SCHIP1: variants seen among roughly 807,000 people sequenced by gnomAD.
The protein encoded by SCHIP1 is schwannomin-interacting protein 1.
SCHIP1 carries 8 observed loss-of-function variants against 29.7 expected under a neutral mutation model. That is an observed-to-expected ratio of 0.27 (90% CI 0.16 to 0.49). The LOEUF (loss-of-function observed/expected upper bound fraction) is 0.49, where lower values mean the gene tolerates loss of function less well. Among genes scored for constraint, SCHIP1 ranks in the 20% least tolerant of loss-of-function variants. The probability of loss-of-function intolerance (pLI) is 0.99; values close to 1 mark genes in which losing one functional copy is unlikely to be tolerated. For missense variants in SCHIP1, 193 were observed against 294.6 expected (o/e 0.66, Z 2.52); for synonymous variants, 76 against 94.9 (o/e 0.80, Z 1.16).
chr3:159,337,755 T>TACGCATG, the SCHIP1 span, among the ~76,000 whole-genome samples: 3 of 152,162 alleles, frequency 2.0e-5, no homozygotes, highest in African/African-American at 7.2e-5. Context: ...TGTTCTCCAA[T>TACGCATG]TTATAATATT....
At chr3:159,292,401 G>T in the SCHIP1 span, among the ~76,000 whole-genome samples, 1,072 of 152,236 alleles carry the variant, frequency 7.0e-3, 12 homozygotes, top group African/African-American at 0.025. Flanking sequence ...CAGAGTCTTG[G>T]TTAGTTGGCT....
chr3:159,333,524 C>T, the SCHIP1 span, among the ~76,000 whole-genome samples: 1 of 152,092 alleles, frequency 6.6e-6, no homozygotes, highest in Non-Finnish European at 1.5e-5. Flanking sequence ...TACACACACA[C>T]ACACACTCCA....
At chr3:159,340,872 T>C in the SCHIP1 span, among the ~76,000 whole-genome samples, 1 of 152,182 alleles carries the variant, frequency 6.6e-6, no homozygotes, top group Non-Finnish European at 1.5e-5. Context: ...CATTCCTTTT[T>C]CTAGAGTAGG....
the SCHIP1 span, among the ~76,000 whole-genome samples, chr3:159,576,643 C>T: frequency 6.6e-6 from 1 of 152,152 alleles, no homozygotes; most frequent in Non-Finnish European, 1.5e-5. Flanking sequence ...TGATTGTAGA[C>T]AAAAGTTTTA....
chr3:159,312,048 A>G, the SCHIP1 span, among the ~76,000 whole-genome samples: 1 of 152,212 alleles, frequency 6.6e-6, no homozygotes, highest in East Asian at 1.9e-4. Flanking sequence ...AGGAAGTTAT[A>G]AGACAGAGTA....
At chr3:159,720,113 C>A in the SCHIP1 span, among the ~76,000 whole-genome samples, 3 of 151,958 alleles carry the variant, frequency 2.0e-5, no homozygotes, top group Non-Finnish European at 2.9e-5. Flanking sequence ...TCATTCTGAG[C>A]AAACTATCTC....
At chr3:159,892,640 C>T (rs151134302) in intron 6 of SCHIP1, 41 of 195,894 alleles carry the variant, frequency 2.1e-4, no homozygotes, top group African/African-American at 8.5e-4. Context: ...CATCTCTCTA[C>T]AGCCACAGTG....
At chr3:159,511,581 G>A in the SCHIP1 span, among the ~76,000 whole-genome samples, 117 of 151,458 alleles carry the variant, frequency 7.7e-4, no homozygotes, top group Admixed American at 1.4e-3. Flanking sequence ...CTGTAGACTG[G>A]AGCTGTTCCT....
chr3:159,710,492 T>C, the SCHIP1 span, among the ~76,000 whole-genome samples: 1 of 152,148 alleles, frequency 6.6e-6, no homozygotes, highest in Non-Finnish European at 1.5e-5. Context: ...GTAACTATAG[T>C]TAAAATAATG....
At chr3:159,355,723 A>G in the SCHIP1 span, among the ~76,000 whole-genome samples, 1 of 150,538 alleles carries the variant, frequency 6.6e-6, no homozygotes, top group Non-Finnish European at 1.5e-5. Flanking sequence ...TGTGGTTACC[A>G]AGTCTCTGCC....
the SCHIP1 span, among the ~76,000 whole-genome samples, chr3:159,475,356 G>A: frequency 6.6e-6 from 1 of 152,156 alleles, no homozygotes; most frequent in South Asian, 2.1e-4. Context: ...CAGTTTATAT[G>A]AGACGTCTAG....
the SCHIP1 span, among the ~76,000 whole-genome samples, chr3:159,810,573 C>T: frequency 6.6e-6 from 1 of 152,326 alleles, no homozygotes; most frequent in South Asian, 2.1e-4. Flanking sequence ...AATATCCAAT[C>T]TTTTACATCT....
chr3:159,311,358 A>G, the SCHIP1 span, among the ~76,000 whole-genome samples: 1 of 152,116 alleles, frequency 6.6e-6, no homozygotes, highest in Non-Finnish European at 1.5e-5. Context: ...CTTTAATGGA[A>G]AAAAATCAAA....
the SCHIP1 span, among the ~76,000 whole-genome samples, chr3:159,815,609 CA>C: frequency 5.3e-5 from 8 of 152,274 alleles, no homozygotes; most frequent in African/African-American, 1.9e-4. Flanking sequence ...TTAAGTTTAC[CA>C]TATATACTCC....
chr3:159,497,113 G>A, the SCHIP1 span, among the ~76,000 whole-genome samples: 1 of 151,898 alleles, frequency 6.6e-6, no homozygotes. Flanking sequence ...TGTGGGGTTG[G>A]GGGAGGGATA....
chr3:159,368,365 T>A, the SCHIP1 span, among the ~76,000 whole-genome samples: 2 of 152,316 alleles, frequency 1.3e-5, no homozygotes, highest in African/African-American at 4.8e-5. Context: ...CCACCACATT[T>A]ATTCTCTTAT....
At chr3:159,396,565 C>G in the SCHIP1 span, among the ~76,000 whole-genome samples, 2 of 149,554 alleles carry the variant, frequency 1.3e-5, no homozygotes, top group Admixed American at 1.3e-4. Context: ...TATTTTATTT[C>G]TCCTTCACTT....
At chr3:159,300,851 A>G in the SCHIP1 span, among the ~76,000 whole-genome samples, 28 of 152,212 alleles carry the variant, frequency 1.8e-4, 1 homozygote, top group Admixed American at 1.4e-3. Context: ...ATCATACTCA[A>G]TGGAAAAACC....
the SCHIP1 span, among the ~76,000 whole-genome samples, chr3:159,668,468 T>C: frequency 7.4e-3 from 1,119 of 150,890 alleles, 11 homozygotes; most frequent in African/African-American, 0.026. Flanking sequence ...CCTGGAGGTG[T>C]ATACCTACTG....
Sources: allele counts gnomAD v4.1 joint callset (sites outside exome capture counted in the v4.1 genomes callset), GRCh38; gene constraint gnomAD v4.1.1; transcripts MANE v1.5; gene names NCBI Gene and HGNC (gene_info 2026-07-23, HGNC 2026-07-21).